Variants in IGF1 observed in about 807,000 individuals in gnomAD.
IGF1 encodes the protein insulin like growth factor 1.
IGF1 carries 4 observed loss-of-function variants against 13.8 expected under a neutral mutation model. The observed-to-expected ratio is 0.29, with a 90% CI of 0.14 to 0.66. IGF1 has a LOEUF of 0.66. IGF1 is among the 30% of genes least tolerant of loss of function. IGF1 has a pLI of 0.78. For missense variants in IGF1, 124 were observed against 188.5 expected (o/e 0.66, Z 2.00); for synonymous variants, 76 against 72.6 (o/e 1.05, Z -0.23).
At chr12:102,411,840 G>A (rs1412761151) in intron 3 of IGF1, among the ~76,000 whole-genome samples, 2 of 152,198 alleles carry the variant, frequency 1.3e-5, no homozygotes, top group African/African-American at 4.8e-5. Context: ...AAACTGAATA[G>A]AGGAAGTTAG....
intron 2 of IGF1, 106 bp from the exon 3 acceptor site, chr12:102,419,796 G>A: frequency 9.3e-7 from 1 of 1,077,836 alleles, no homozygotes; most frequent in Non-Finnish European, 1.4e-6. Flanking sequence ...TACATATTCT[G>A]CAATGTCTCA....
At chr12:102,480,610 T>C, upstream of IGF1, 1 of 1,375,060 alleles carries the variant, frequency 7.3e-7, no homozygotes, top group South Asian at 1.5e-5. Context: ...ACACAGACAC[T>C]GTAGACAGGA....
intron 2 of IGF1, among the ~76,000 whole-genome samples, chr12:102,422,228 G>GT (rs1173233896): frequency 1.3e-5 from 2 of 152,042 alleles, no homozygotes; most frequent in Non-Finnish European, 2.9e-5. Context: ...GTCTACATTT[G>GT]TTTTTTTAAA....
At chr12:102,458,397 T>TCC (rs1468070394) in intron 2 of IGF1, among the ~76,000 whole-genome samples, 10 of 152,164 alleles carry the variant, frequency 6.6e-5, no homozygotes, top group African/African-American at 2.4e-4. Context: ...CACAGCCAGC[T>TCC]TCCAACAAAA....
At chr12:102,405,165 G>A (rs757551028) in intron 3 of IGF1, among the ~76,000 whole-genome samples, 2 of 151,430 alleles carry the variant, frequency 1.3e-5, no homozygotes, top group Non-Finnish European at 2.9e-5. Flanking sequence ...TAGGCTCACT[G>A]CAACCTTTGC....
chr12:102,438,284 G>T (rs576918006), intron 2 of IGF1, among the ~76,000 whole-genome samples: 1 of 152,252 alleles, frequency 6.6e-6, no homozygotes, highest in East Asian at 1.9e-4. Context: ...CCTGCACATT[G>T]GCTGCTGGTG....
At chr12:102,446,146 A>G (rs562223737) in intron 2 of IGF1, among the ~76,000 whole-genome samples, 4 of 152,248 alleles carry the variant, frequency 2.6e-5, no homozygotes, top group African/African-American at 9.6e-5. Flanking sequence ...GAGAATTTTC[A>G]TATTGATGTT....
chr12:102,446,582 T>A (rs1878351939), intron 2 of IGF1, among the ~76,000 whole-genome samples: 1 of 152,172 alleles, frequency 6.6e-6, no homozygotes, highest in Non-Finnish European at 1.5e-5. Context: ...CCCTTTATCA[T>A]TTTTTATTGC....
At chr12:102,473,304 C>A (rs1880801753) in intron 2 of IGF1, among the ~76,000 whole-genome samples, 1 of 152,178 alleles carries the variant, frequency 6.6e-6, no homozygotes, top group Non-Finnish European at 1.5e-5. Context: ...CAACTGTAAG[C>A]CCCTTGAAAA....
chr12:102,455,976 A>C (rs879586484), intron 2 of IGF1, among the ~76,000 whole-genome samples: 7 of 152,210 alleles, frequency 4.6e-5, no homozygotes, highest in Non-Finnish European at 7.3e-5. Context: ...CTCAGCAGCG[A>C]TGGCTTATGG....
At chr12:102,456,599 A>C (rs1300721897) in intron 2 of IGF1, among the ~76,000 whole-genome samples, 3 of 152,170 alleles carry the variant, frequency 2.0e-5, no homozygotes, top group African/African-American at 7.2e-5. Context: ...ATCTTCCCTG[A>C]AACAAAAGCC....
intron 3 of IGF1, among the ~76,000 whole-genome samples, chr12:102,403,126 C>T (rs952063963): frequency 1.3e-5 from 2 of 152,272 alleles, no homozygotes; most frequent in African/African-American, 2.4e-5. Flanking sequence ...GAGCTCAACT[C>T]GTAGCTTTTC....
At chr12:102,481,272 C>A (rs1446151297), upstream of IGF1, among the ~76,000 whole-genome samples, 2 of 152,054 alleles carry the variant, frequency 1.3e-5, no homozygotes, top group Non-Finnish European at 2.9e-5. Flanking sequence ...CCCTCCCCAC[C>A]CCACCACTCT....
chr12:102,418,266 C>T (rs1439950373), intron 3 of IGF1, among the ~76,000 whole-genome samples: 4 of 152,246 alleles, frequency 2.6e-5, no homozygotes, highest in African/African-American at 4.8e-5. Context: ...CCAGCAAGCA[C>T]GCTTTCCTGC....
intron 1 of IGF1, among the ~76,000 whole-genome samples, chr12:102,477,614 C>T (rs899100635): frequency 1.3e-5 from 2 of 151,328 alleles, no homozygotes; most frequent in African/African-American, 4.9e-5. Flanking sequence ...CAAATCCAAC[C>T]CACCTGGACC....
At chr12:102,454,148 A>T (rs527536344) in intron 2 of IGF1, among the ~76,000 whole-genome samples, 1 of 152,234 alleles carries the variant, frequency 6.6e-6, no homozygotes, top group South Asian at 2.1e-4. Flanking sequence ...GTGCTCTTCT[A>T]TTGAGTTAGT....
intron 2 of IGF1, among the ~76,000 whole-genome samples, chr12:102,427,244 T>C (rs575507262): frequency 6.6e-6 from 1 of 152,290 alleles, no homozygotes; most frequent in Admixed American, 6.5e-5. Context: ...AACTGTAAGC[T>C]GAGACTGGCT....
chr12:102,471,405 C>T (rs371466194), intron 2 of IGF1, among the ~76,000 whole-genome samples: 8 of 152,194 alleles, frequency 5.3e-5, no homozygotes, highest in African/African-American at 1.7e-4. Context: ...AACTAATGAA[C>T]GACAGGTCTG....
intron 2 of IGF1, among the ~76,000 whole-genome samples, chr12:102,445,354 T>C (rs1199364066): frequency 6.6e-6 from 1 of 152,224 alleles, no homozygotes; most frequent in African/African-American, 2.4e-5. Context: ...TGATATTGAT[T>C]CTTCCTATCC....
Sources: allele counts gnomAD v4.1 joint callset (sites outside exome capture counted in the v4.1 genomes callset), GRCh38; gene constraint gnomAD v4.1.1; transcripts MANE v1.5; gene names NCBI Gene and HGNC (gene_info 2026-07-23, HGNC 2026-07-21).